Variants in MGA observed in about 807,000 individuals in gnomAD.
The protein encoded by MGA is MAX gene-associated protein.
A neutral mutation model predicts 261.1 loss-of-function variants in MGA; 40 were observed. The ratio of observed to expected loss-of-function variants is 0.15; its 90% confidence interval spans 0.12 to 0.20. MGA has a LOEUF of 0.20. Ranked by LOEUF, MGA falls within the 10% of genes least tolerant of loss-of-function variation. The pLI is 1.00. For missense variants in MGA, 3,397 were observed against 3,630.5 expected (o/e 0.94, Z 1.65); for synonymous variants, 1,302 against 1,290.6 (o/e 1.01, Z -0.19).
chr15:41,650,011 A>C (rs2057010099), intron 1 of MGA, among the ~76,000 whole-genome samples: 1 of 152,146 alleles, frequency 6.6e-6, no homozygotes, highest in African/African-American at 2.4e-5. Context: ...CCAGTAACCA[A>C]AGTAATTCTT....
intron 2 of MGA, among the ~76,000 whole-genome samples, chr15:41,691,328 C>T (rs995069784): frequency 1.3e-5 from 2 of 152,046 alleles, no homozygotes; most frequent in African/African-American, 2.4e-5. Context: ...CCTCATTTCA[C>T]TTTTGACATT....
chr15:41,708,248 T>C (rs2060214363), intron 7 of MGA, 40 bp downstream of exon 7: 2 of 1,349,310 alleles, frequency 1.5e-6, no homozygotes, highest in Admixed American at 2.3e-5. Flanking sequence ...TTCTGAAACA[T>C]GTAGCCAGAA....
At chr15:41,750,673 G>C (rs1400807146) in intron 17 of MGA, 58 bp downstream of exon 17, 1 of 1,457,140 alleles carries the variant, frequency 6.9e-7, no homozygotes, top group East Asian at 2.4e-5. Context: ...ATTTATTAAA[G>C]ACAGAAGCTT....
chr15:41,722,401 T>C (rs2060996682), intron 9 of MGA, among the ~76,000 whole-genome samples: 1 of 152,164 alleles, frequency 6.6e-6, no homozygotes, highest in Admixed American at 6.5e-5. Context: ...AGTGCTGGGA[T>C]TGCAGGTGTG....
chr15:41,710,993 C>T lies in MGA; in HGVS notation c.2728C>T (p.Arg910Ter), dbSNP rs761227360. ...AAACAGACAGGCAACTTTCAGTGGCCGAACTAAATCATCTTATAAATCCAT... is the reference window on the plus strand; with the variant it reads ...AAACAGACAGGCAACTTTCAGTGGCTGAACTAAATCATCTTATAAATCCAT... The change falls in exon 8 of 24, where the codon CGA becomes TGA. Residue 910 changes from arginine (R) to a stop codon, truncating the protein, a stop_gained. Transcript: ENST00000219905. LOFTEE classifies it high-confidence loss of function. 2 of 1,613,906 alleles carry T rather than the reference C, an allele frequency of 1.2e-6. No homozygotes were observed. The highest frequency in any genetic ancestry group is 8.5e-7 in the Non-Finnish European group (1 of 1,179,886).
chr15:41,640,230 C>T (rs781286345), intron 1 of MGA, among the ~76,000 whole-genome samples: 1 of 151,958 alleles, frequency 6.6e-6, no homozygotes, highest in Non-Finnish European at 1.5e-5. Flanking sequence ...TAAAAAAACC[C>T]GGGGAGCATA....
chr15:41,706,236 CAA>C (rs1239541105), intron 5 of MGA, among the ~76,000 whole-genome samples: 1 of 49,184 alleles, frequency 2.0e-5, no homozygotes, highest in African/African-American at 7.1e-5. Context: ...GACTCCATCT[CAA>C]AAAAAAAAAA....
chr15:41,624,967 C>A (rs1331917851), intron 1 of MGA, among the ~76,000 whole-genome samples: 1 of 152,110 alleles, frequency 6.6e-6, no homozygotes, highest in Non-Finnish European at 1.5e-5. Flanking sequence ...CAGAGTGAGA[C>A]CCCATCTGTA....
chr15:41,714,108 C>T (rs186761255), intron 9 of MGA, among the ~76,000 whole-genome samples: 3 of 151,830 alleles, frequency 2.0e-5, no homozygotes, highest in Admixed American at 6.6e-5. Flanking sequence ...ATGATTTTAC[C>T]GTATAATTGA....
intron 1 of MGA, among the ~76,000 whole-genome samples, chr15:41,631,795 G>A (rs1001714886): frequency 3.9e-4 from 59 of 152,138 alleles, no homozygotes; most frequent in African/African-American, 1.4e-3. Context: ...TTATAAAAGT[G>A]GCTTTTTTTT....
chr15:41,696,803 A>G lies in MGA; in HGVS notation c.1793A>G (p.Lys598Arg). ...ATGCTTAAGATTGCAACAGCCGCAAAGGTAGTGAATGCTAATCAGAATGCC... is the reference window on the plus strand; with the variant it reads ...ATGCTTAAGATTGCAACAGCCGCAAGGGTAGTGAATGCTAATCAGAATGCC... The change falls in exon 3 of 24, where the codon AAG becomes AGG. Residue 598 changes from lysine (K) to arginine (R), a missense_variant. Lys to Arg is a conservative substitution (Grantham distance 26, BLOSUM62 2). Around this residue, in one of 9 missense-constraint regions of MGA, gnomAD observed 563 missense variants for 563.6 expected, o/e 1.00. Transcript: ENST00000219905. 1 of 1,603,574 alleles carries G rather than the reference A, an allele frequency of 6.2e-7. No individual in the cohort carries two copies. The highest frequency in any genetic ancestry group is 8.5e-7 in the Non-Finnish European group (1 of 1,174,880).
At chr15:41,632,274 C>T (rs1276367027) in intron 1 of MGA, among the ~76,000 whole-genome samples, 2 of 152,164 alleles carry the variant, frequency 1.3e-5, no homozygotes, top group Admixed American at 1.3e-4. Context: ...TAGTAAACTG[C>T]AGGACCAGCC....
At chr15:41,663,484 A>ATTG (rs34595550) in intron 1 of MGA, among the ~76,000 whole-genome samples, 67,014 of 150,624 alleles carry the variant, frequency 0.44, 16,786 homozygotes, top group East Asian at 0.86. Context: ...TATTATTATT[A>ATTG]TTGTTGTTGT....
intron 2 of MGA, among the ~76,000 whole-genome samples, chr15:41,679,541 T>G (rs1471486331): frequency 6.6e-6 from 1 of 152,232 alleles, no homozygotes; most frequent in African/African-American, 2.4e-5. Context: ...CTAAGTATTT[T>G]ATTCTTTTTG....
intron 11 of MGA, 103 bp downstream of exon 11, chr15:41,729,452 A>T: frequency 8.9e-7 from 1 of 1,127,548 alleles, no homozygotes; most frequent in African/African-American, 1.6e-5. Context: ...CAGGGCAGAG[A>T]AGTCATACAT....
chr15:41,628,806 A>C (rs1006794968), intron 1 of MGA, among the ~76,000 whole-genome samples: 1 of 152,112 alleles, frequency 6.6e-6, no homozygotes, highest in Non-Finnish European at 1.5e-5. Flanking sequence ...AATGATACCT[A>C]ATTTATGTTT....
At chr15:41,670,956 T>C (rs1006765171) in intron 2 of MGA, among the ~76,000 whole-genome samples, 1 of 152,228 alleles carries the variant, frequency 6.6e-6, no homozygotes, top group African/African-American at 2.4e-5. Context: ...TAGATAAGTT[T>C]TGTTTCCATT....
Position 41,767,144 on chromosome 15 carries a change from T to C in MGA, c.9062T>C (p.Val3021Ala), listed in dbSNP as rs71472501. ...TGTTTGGCACCTATAGCTGCCAAAG[T>C]TGGGTCAGTTGGACACAAAATGAAC... Residue 3021 changes from valine to alanine, a missense_variant, in exon 24 of 24, where the codon GTT (valine) becomes GCT (alanine). By Grantham distance (64) the Val-to-Ala change is moderately conservative. This residue lies in a region of MGA where 647 missense variants were observed against 642.4 expected (regional missense o/e 1.01). Transcript: ENST00000219905. 2,102 of 1,613,956 alleles carry C rather than the reference T, an allele frequency of 1.3e-3. 5 individuals carry two copies. Among genetic ancestry groups the C allele is most frequent in the Non-Finnish European group, 1.5e-3 (1,753 of 1,179,866 alleles).
At chr15:41,736,815 G>A in intron 13 of MGA, 117 bp downstream of exon 13, 5 of 1,182,638 alleles carry the variant, frequency 4.2e-6, no homozygotes, top group Non-Finnish European at 5.7e-6. Context: ...CTGGGAACTG[G>A]GTGACAAAAT....
Sources: allele counts gnomAD v4.1 joint callset (sites outside exome capture counted in the v4.1 genomes callset), GRCh38; gene constraint gnomAD v4.1.1; regional missense constraint gnomAD v4.1.1; transcripts MANE v1.5; gene names NCBI Gene and HGNC (gene_info 2026-07-23, HGNC 2026-07-21).